Variants in ASAP1 observed in about 807,000 individuals in gnomAD.
ASAP1 encodes the protein arf-GAP with SH3 domain, ANK repeat and PH domain-containing protein 1.
Under a neutral mutation model 145.2 loss-of-function variants are expected in ASAP1, and 43 were observed. The observed-to-expected ratio is 0.30, with a 90% CI of 0.23 to 0.38. ASAP1 has a LOEUF of 0.38. Ranked by LOEUF, ASAP1 falls within the 10% of genes least tolerant of loss-of-function variation. The pLI is 1.00. For synonymous variants in ASAP1, 546 were observed against 515.5 expected (o/e 1.06, Z -0.80); for missense variants, 1,018 against 1,355.3 (o/e 0.75, Z 3.91).
intron 3 of ASAP1, chr8:130,340,868 A>G (rs1168576057): frequency 2.2e-6 from 1 of 455,994 alleles, no homozygotes; most frequent in Non-Finnish European, 4.4e-6. Flanking sequence ...TGGCTCCTGC[A>G]TGCTTCTTGA....
At chr8:130,223,053 T>G (rs1381749987) in intron 4 of ASAP1, among the ~76,000 whole-genome samples, 1 of 152,228 alleles carries the variant, frequency 6.6e-6, no homozygotes, top group South Asian at 2.1e-4. Context: ...ACATCTGCCC[T>G]GCTGATTGGC....
At chr8:130,380,274 A>G (rs988570154) in intron 2 of ASAP1, among the ~76,000 whole-genome samples, 4 of 152,172 alleles carry the variant, frequency 2.6e-5, no homozygotes, top group Non-Finnish European at 5.9e-5. Context: ...GATGCTAGAG[A>G]ACACACCTCA....
chr8:130,220,671 A>G (rs550456615), intron 4 of ASAP1, among the ~76,000 whole-genome samples: 11 of 152,244 alleles, frequency 7.2e-5, no homozygotes, highest in African/African-American at 2.6e-4. Flanking sequence ...ACCCCACTGT[A>G]TTAGTCCGTT....
At chr8:130,096,835 A>G (rs1348479470) in intron 24 of ASAP1, among the ~76,000 whole-genome samples, 1 of 152,004 alleles carries the variant, frequency 6.6e-6, no homozygotes, top group Non-Finnish European at 1.5e-5. Context: ...GATCAGAAAA[A>G]GTCCTTGAGG....
chr8:130,403,090 A>C (rs1009290781), intron 1 of ASAP1, among the ~76,000 whole-genome samples: 1 of 152,166 alleles, frequency 6.6e-6, no homozygotes, highest in African/African-American at 2.4e-5. Context: ...TATTTTGAGG[A>C]AATTTCCAGT....
At chr8:130,354,480 G>A (rs566442728) in intron 3 of ASAP1, among the ~76,000 whole-genome samples, 1 of 152,186 alleles carries the variant, frequency 6.6e-6, no homozygotes, top group East Asian at 1.9e-4. Context: ...TTATCATGTT[G>A]GACTCTCTCT....
intron 2 of ASAP1, among the ~76,000 whole-genome samples, chr8:130,376,901 CTCAAAA>C (rs1827525725): frequency 2.1e-5 from 1 of 48,734 alleles, no homozygotes; most frequent in Non-Finnish European, 3.8e-5. Context: ...AAAACTCCAT[CTCAAAA>C]AAAAAAAAAA....
chr8:130,328,627 T>A lies in ASAP1; in HGVS notation c.186+29390A>T, dbSNP rs1262739715. Reference sequence around the variant, plus strand: ...TCAGTAGTTCTTTTTTTTTTTTTTTTAAGAGACAAGGTCTCCTCTGTCACA... The same window carrying A: ...TCAGTAGTTCTTTTTTTTTTTTTTTAAAGAGACAAGGTCTCCTCTGTCACA... On this transcript the variant is annotated intron_variant, in intron 3 of 29. Coordinates refer to ENST00000518721, the MANE Select transcript of ASAP1 (RefSeq NM_018482.4). Among the ~76,000 whole-genome samples, 4 of 150,924 alleles carry A rather than the reference T, an allele frequency of 2.7e-5. No homozygotes were observed. The East Asian group carries it at 5.9e-4, about 22-fold the overall frequency.
intron 2 of ASAP1, among the ~76,000 whole-genome samples, chr8:130,399,189 G>A (rs540823012): frequency 6.6e-6 from 1 of 152,280 alleles, no homozygotes; most frequent in African/African-American, 2.4e-5. Context: ...AGGTGACCTT[G>A]GGAATAGAGG....
Position 130,072,820 on chromosome 8 carries a change from T to TGC in ASAP1, c.2701+3527_2701+3528insGC, listed in dbSNP as rs1276537977. ...GTGTGTGTGTGTGTGTGTGTGTGTGTGTGTGCGCGCGGGGGGGGGCAGTTT... is the reference window on the plus strand; with the variant it reads ...GTGTGTGTGTGTGTGTGTGTGTGTGTGCGTGTGCGCGCGGGGGGGGGCAGTTT... On this transcript the variant is annotated intron_variant, in intron 27 of 29. Transcript: ENST00000518721. Among the ~76,000 whole-genome samples, 42 of 22,084 alleles carry TGC rather than the reference T, an allele frequency of 1.9e-3. 2 individuals carry two copies. Among genetic ancestry groups the TGC allele is most frequent in the Admixed American group, 5.0e-3 (7 of 1,396 alleles). The allele number at this position is 22,084 out of a possible 152,430, so 14.5% of individuals were successfully genotyped here.
chr8:130,352,977 G>T lies in ASAP1; in HGVS notation c.186+5040C>A, dbSNP rs79497307. On this transcript the variant is annotated intron_variant, in intron 3 of 29. Transcript: ENST00000518721. Reference sequence around the variant, plus strand: ...TTAGGCTGCATTTTTTGAGGGCAGGGTTCTTCTTCATTGTATCCCTGGGCC... The same window carrying T: ...TTAGGCTGCATTTTTTGAGGGCAGGTTTCTTCTTCATTGTATCCCTGGGCC... Among the ~76,000 whole-genome samples, 595 of 152,262 alleles carry T rather than the reference G, an allele frequency of 3.9e-3. 6 individuals carry two copies. Among genetic ancestry groups the T allele is most frequent in the East Asian group, 0.026 (134 of 5,180 alleles).
In ASAP1 at chr8:130,407,687, C is replaced by T. The variant is rs867329323; in HGVS notation, c.-27-5717G>A. 5.3e-5 allele frequency among the ~76,000 whole-genome samples: 8 copies of T among 152,322 alleles called. No homozygotes were observed. In the South Asian group the frequency reaches 1.7e-3, roughly 32 times the overall value. ...TCTGCTTTTCCACTGAAATTCTGTT[C>T]TACGACTTACAGTTTGTCAGTCAGG... On this transcript the variant is annotated intron_variant, in intron 1 of 29. Coordinates refer to ENST00000518721, the MANE Select transcript of ASAP1 (RefSeq NM_018482.4).
intron 18 of ASAP1, among the ~76,000 whole-genome samples, chr8:130,122,189 A>G (rs934257327): frequency 3.3e-5 from 5 of 152,150 alleles, no homozygotes; most frequent in Admixed American, 2.0e-4. Context: ...TAATTTCTTC[A>G]TAACACCTAA....
At chr8:130,128,364 A>G (rs1382030192) in intron 15 of ASAP1, among the ~76,000 whole-genome samples, 1 of 152,046 alleles carries the variant, frequency 6.6e-6, no homozygotes, top group Non-Finnish European at 1.5e-5. Flanking sequence ...AATATAACTG[A>G]GGACTTGAAC....
chr8:130,339,711 T>TTAAAGA (rs879855657), intron 3 of ASAP1, among the ~76,000 whole-genome samples: 5 of 152,214 alleles, frequency 3.3e-5, no homozygotes, highest in Admixed American at 1.3e-4. Flanking sequence ...GAGGTATGTC[T>TTAAAGA]GGTTCTGTGC....
chr8:130,258,181 G>A (rs1819682311), intron 3 of ASAP1, among the ~76,000 whole-genome samples: 1 of 152,058 alleles, frequency 6.6e-6, no homozygotes, highest in African/African-American at 2.4e-5. Context: ...CCTGGCCCCA[G>A]CTCCATAATG....
chr8:130,400,833 T>C (rs1485443053), intron 2 of ASAP1, among the ~76,000 whole-genome samples: 1 of 150,064 alleles, frequency 6.7e-6, no homozygotes, highest in Non-Finnish European at 1.5e-5. Context: ...TAAGGGAAAA[T>C]TGACTTACAT....
intron 3 of ASAP1, among the ~76,000 whole-genome samples, chr8:130,280,219 C>T (rs987549549): frequency 3.3e-5 from 5 of 152,222 alleles, no homozygotes; most frequent in African/African-American, 9.6e-5. Context: ...TCATATTCCT[C>T]GCTGTCCCTT....
intron 3 of ASAP1, among the ~76,000 whole-genome samples, chr8:130,340,602 C>T (rs2137906810): frequency 6.6e-6 from 1 of 152,316 alleles, no homozygotes; most frequent in Non-Finnish European, 1.5e-5. Flanking sequence ...GTTCATTCCA[C>T]ATCTCCTTTT....
Sources: gnomAD v4.1 joint callset for allele counts (sites outside exome capture counted in the v4.1 genomes callset) on GRCh38, gnomAD v4.1.1 for gene constraint, MANE v1.5 for transcripts, NCBI Gene and HGNC (gene_info 2026-07-23, HGNC 2026-07-21) for gene names.